Variants in SPECC1L observed in about 807,000 individuals in gnomAD.
SPECC1L encodes cytospin-A.
Under a neutral mutation model 116.8 loss-of-function variants are expected in SPECC1L, and 40 were observed. The ratio of observed to expected loss-of-function variants is 0.34; its 90% CI spans 0.27 to 0.45. SPECC1L has a LOEUF of 0.45. Ranked by LOEUF, SPECC1L falls within the 20% of genes least tolerant of loss-of-function variation. SPECC1L has a pLI of 1.00. For missense variants in SPECC1L, 1,110 were observed against 1,373.6 expected (o/e 0.81, Z 3.03); for synonymous variants, 504 against 500.6 (o/e 1.01, Z -0.09).
intron 14 of SPECC1L, among the ~76,000 whole-genome samples, chr22:24,376,816 G>T (rs1392466918): frequency 6.9e-6 from 1 of 145,962 alleles, no homozygotes; most frequent in Non-Finnish European, 1.5e-5. Flanking sequence ...CAATCACCTA[G>T]TTTTTTTTTT....
chr22:24,313,158 C>T (rs1193958943), intron 3 of SPECC1L, among the ~76,000 whole-genome samples, 155 bp from the exon 4 acceptor site: 2 of 152,134 alleles, frequency 1.3e-5, no homozygotes, highest in Admixed American at 6.5e-5. Flanking sequence ...AGTTCTGTTT[C>T]TGTAGGACAG....
chr22:24,360,166 A>G (rs2041615422), intron 11 of SPECC1L, among the ~76,000 whole-genome samples: 1 of 152,238 alleles, frequency 6.6e-6, no homozygotes, highest in African/African-American at 2.4e-5. Context: ...TGCCTGCTAC[A>G]CTCAATTGTA....
intron 14 of SPECC1L, among the ~76,000 whole-genome samples, chr22:24,380,340 C>CA (rs2042042369): frequency 6.6e-6 from 1 of 152,184 alleles, no homozygotes; most frequent in Non-Finnish European, 1.5e-5. Context: ...TCTGACTACT[C>CA]ACAGTCTGCA....
In SPECC1L at chr22:24,349,690, T is replaced by A. The variant is rs567562010; in HGVS notation, c.2743+2514T>A. Among the ~76,000 whole-genome samples, 4 of 152,324 alleles carry A rather than the reference T, an allele frequency of 2.6e-5. No individual in the cohort carries two copies. The East Asian group carries it at 5.8e-4, about 22-fold the overall frequency. ...ATCCTTAGAAACCTTGGAGTCATCC[T>A]TAACTCCCGTCTTCATCTTAGACTT... is the stretch of plus-strand genomic sequence containing the variant. On this transcript the variant is annotated intron_variant, in intron 11 of 16. Coordinates refer to ENST00000314328, the MANE Select transcript of SPECC1L (RefSeq NM_015330.6).
At chr22:24,305,476 C>G (rs964477424) in intron 3 of SPECC1L, among the ~76,000 whole-genome samples, 1 of 152,198 alleles carries the variant, frequency 6.6e-6, no homozygotes. Context: ...TGTACTGTTG[C>G]ATCTAGCAGC....
chr22:24,408,784 A>C (rs1010072511), intron 14 of SPECC1L, among the ~76,000 whole-genome samples: 1 of 152,272 alleles, frequency 6.6e-6, no homozygotes, highest in African/African-American at 2.4e-5. Context: ...TTGCACAGAC[A>C]CTGGAACGTT....
intron 14 of SPECC1L, among the ~76,000 whole-genome samples, chr22:24,374,079 C>T (rs2041923320): frequency 6.6e-6 from 1 of 152,100 alleles, no homozygotes; most frequent in African/African-American, 2.4e-5. Context: ...GAGATACCAT[C>T]TCACACCAGT....
At chr22:24,301,231 AATATCCAG>A (rs1282447747) in intron 2 of SPECC1L, among the ~76,000 whole-genome samples, 1 of 152,228 alleles carries the variant, frequency 6.6e-6, no homozygotes, top group African/African-American at 2.4e-5. Context: ...ACAAAGGTCT[AATATCCAG>A]AATTTACAAG....
In SPECC1L at chr22:24,293,308, C is replaced by T. The variant is rs1221745043; in HGVS notation, c.-37-8887C>T. On this transcript the variant is annotated intron_variant, in intron 2 of 16. Transcript: ENST00000314328. ...TCTCTACTACAAGTACAAAAATTAACGGGGCGTGGTGGTACGCACCTGTAG... is the reference window on the plus strand; with the variant it reads ...TCTCTACTACAAGTACAAAAATTAATGGGGCGTGGTGGTACGCACCTGTAG... Among the ~76,000 whole-genome samples the T allele has an allele frequency of 7.2e-5, 11 of 152,200 alleles. 1 individual carries two copies. In the South Asian group the frequency reaches 2.3e-3, roughly 32 times the overall value.
At chr22:24,327,288 A>C (rs2040843559) in intron 6 of SPECC1L, among the ~76,000 whole-genome samples, 1 of 146,402 alleles carries the variant, frequency 6.8e-6, no homozygotes, top group East Asian at 1.9e-4. Flanking sequence ...AAAAAAAAAA[A>C]AAAAAAAAAA....
intron 10 of SPECC1L, among the ~76,000 whole-genome samples, chr22:24,339,243 C>T (rs1213581124): frequency 2.6e-5 from 4 of 152,176 alleles, no homozygotes; most frequent in Non-Finnish European, 5.9e-5. Context: ...TTAGCAAAGC[C>T]TCTGAAGACC....
At chr22:24,365,068 C>T (rs775126198) in intron 12 of SPECC1L, among the ~76,000 whole-genome samples, 6 of 151,988 alleles carry the variant, frequency 3.9e-5, no homozygotes, top group South Asian at 2.1e-4. Context: ...TGCAGAGTGG[C>T]GCAGTCTTGG....
chr22:24,331,006 T>C (rs977910997), intron 8 of SPECC1L, among the ~76,000 whole-genome samples: 1 of 152,264 alleles, frequency 6.6e-6, no homozygotes, highest in African/African-American at 2.4e-5. Context: ...AGTTTCTCTC[T>C]ATCACTTACT....
At chr22:24,400,110 G>A (rs1014083801) in intron 14 of SPECC1L, among the ~76,000 whole-genome samples, 3 of 152,142 alleles carry the variant, frequency 2.0e-5, no homozygotes, top group African/African-American at 7.2e-5. Flanking sequence ...TTTACCATTT[G>A]ATCATTTTTA....
intron 11 of SPECC1L, among the ~76,000 whole-genome samples, chr22:24,358,090 T>C (rs1261716919): frequency 2.0e-5 from 3 of 151,730 alleles, no homozygotes; most frequent in South Asian, 2.1e-4. Context: ...GGATCACATA[T>C]TGTAGAGGTG....
intron 14 of SPECC1L, among the ~76,000 whole-genome samples, chr22:24,394,763 T>C (rs1176076764): frequency 1.3e-5 from 2 of 152,352 alleles, no homozygotes; most frequent in South Asian, 2.1e-4. Flanking sequence ...TGCAGTTGCC[T>C]GATAACTAAT....
At chr22:24,282,392 C>T (rs2048960534) in intron 2 of SPECC1L, among the ~76,000 whole-genome samples, 1 of 152,154 alleles carries the variant, frequency 6.6e-6, no homozygotes, top group Admixed American at 6.5e-5. Flanking sequence ...AAGTTTCTCC[C>T]GAAGTTAGTT....
chr22:24,367,955 C>T (rs2041803727), intron 13 of SPECC1L, among the ~76,000 whole-genome samples: 1 of 152,196 alleles, frequency 6.6e-6, no homozygotes, highest in African/African-American at 2.4e-5. Context: ...ACACAGCACT[C>T]CCTTTCTCTG....
chr22:24,402,811 G>C (rs2146785498), intron 14 of SPECC1L, among the ~76,000 whole-genome samples: 3 of 152,266 alleles, frequency 2.0e-5, no homozygotes, highest in East Asian at 3.9e-4. Flanking sequence ...AAGAGCATGT[G>C]GTATTTGGGA....
Sources: allele counts gnomAD v4.1 joint callset (sites outside exome capture counted in the v4.1 genomes callset), GRCh38; gene constraint gnomAD v4.1.1; transcripts MANE v1.5; gene names NCBI Gene and HGNC (gene_info 2026-07-23, HGNC 2026-07-21).